The following DTNB variants were observed in gnomAD, a reference collection of about 807,000 sequenced individuals.
The protein encoded by DTNB is DTN-B.
Under a neutral mutation model 90.7 loss-of-function variants are expected in DTNB, and 63 were observed. The observed-to-expected ratio is 0.69, with a 90% confidence interval of 0.57 to 0.86. DTNB has a LOEUF of 0.86. Ranked by LOEUF, DTNB falls within the 40% of genes least tolerant of loss-of-function variation. The pLI, the probability that DTNB is intolerant of heterozygous loss-of-function variation, is 0.00. For missense variants in DTNB, 744 were observed against 807.1 expected (o/e 0.92, Z 0.95); for synonymous variants, 277 against 286.7 (o/e 0.97, Z 0.34).
intron 10 of DTNB, among the ~76,000 whole-genome samples, chr2:25,476,061 A>G (rs2063683663): frequency 7.6e-6 from 1 of 131,010 alleles, no homozygotes; most frequent in Non-Finnish European, 1.6e-5. Context: ...TGGATCAAGA[A>G]GTAATTTTTT....
intron 8 of DTNB, among the ~76,000 whole-genome samples, chr2:25,549,900 A>T (rs1345644967): frequency 6.6e-6 from 1 of 152,010 alleles, no homozygotes; most frequent in Non-Finnish European, 1.5e-5. Context: ...AGCTCAAGTG[A>T]TCCTCCTGCC....
rs58950790 is a variant in DTNB, at chr2:25,616,630, T to TAAAAAAAAAAAAAAAAAAAAAAAAA, written c.363-9310_363-9309insTTTTTTTTTTTTTTTTTTTTTTTTT. ...ATAATCTAGATCAGGCTATTTATAG[T>TAAAAAAAAAAAAAAAAAAAAAAAAA]AAAAAAAAAAAAAAAGACTTGGCCG... On this transcript the variant is annotated intron_variant, in intron 4 of 20. Transcript: ENST00000406818. 2.2e-4 allele frequency among the ~76,000 whole-genome samples: 26 copies of TAAAAAAAAAAAAAAAAAAAAAAAAA among 117,668 alleles called. 2 individuals carry two copies. The highest frequency in any genetic ancestry group is 6.8e-4 in the African/African-American group (20 of 29,208). The allele number at this position is 117,668 out of a possible 152,430, so 77.2% of individuals were successfully genotyped here. A position where few individuals can be genotyped will look rare whatever the true frequency, so the allele number is the denominator to read the frequency against.
In DTNB at chr2:25,564,283, C is replaced by A. The variant is rs562607114; in HGVS notation, c.876+12555G>T. Among the ~76,000 whole-genome samples, 35 of 152,318 alleles carry A rather than the reference C, an allele frequency of 2.3e-4. 1 individual carries two copies. The highest frequency in any genetic ancestry group is 7.0e-4 in the African/African-American group (29 of 41,568). On this transcript the variant is annotated intron_variant, in intron 8 of 20. Coordinates refer to ENST00000406818, the MANE Select transcript of DTNB (RefSeq NM_021907.5). The stretch of plus-strand genomic sequence containing the variant: ...AGTTGAGATTTTCATAGAGACTGCA[C>A]TGAATCTGTAGATGAATTGGGGAGT...
At chr2:25,641,389 C>T (rs1024200842) in intron 2 of DTNB, among the ~76,000 whole-genome samples, 2 of 152,176 alleles carry the variant, frequency 1.3e-5, no homozygotes, top group African/African-American at 4.8e-5. Flanking sequence ...TTTTCTGGAG[C>T]AATCATCTTT....
intron 11 of DTNB, among the ~76,000 whole-genome samples, chr2:25,455,067 G>A (rs2059805354): frequency 6.6e-6 from 1 of 152,146 alleles, no homozygotes; most frequent in African/African-American, 2.4e-5. Flanking sequence ...TCATTAGTTA[G>A]GTAAGAATGA....
intron 3 of DTNB, among the ~76,000 whole-genome samples, chr2:25,633,896 C>A (rs1367340268): frequency 6.6e-6 from 1 of 151,762 alleles, no homozygotes; most frequent in African/African-American, 2.4e-5. Flanking sequence ...CGTCTCTGCC[C>A]GGCCGCACCG....
At chr2:25,568,934 C>T (rs963605361) in intron 8 of DTNB, among the ~76,000 whole-genome samples, 2 of 152,220 alleles carry the variant, frequency 1.3e-5, no homozygotes, top group Admixed American at 1.3e-4. Context: ...GCCTGTGCCT[C>T]GGCCATGCTC....
At chr2:25,628,136 A>G (rs779893935) in intron 4 of DTNB, 35 bp downstream of exon 4, 2 of 1,598,916 alleles carry the variant, frequency 1.3e-6, no homozygotes. Flanking sequence ...GTGTTCTTAA[A>G]ATGAAGTAAG....
intron 15 of DTNB, among the ~76,000 whole-genome samples, chr2:25,422,431 A>C (rs1187145845): frequency 1.9e-5 from 2 of 102,960 alleles, no homozygotes. Flanking sequence ...TTTGAGATGG[A>C]GTCTCACTGT....
intron 19 of DTNB, among the ~76,000 whole-genome samples, chr2:25,381,742 C>A (rs2037837233): frequency 6.6e-6 from 1 of 152,380 alleles, no homozygotes; most frequent in East Asian, 1.9e-4. Flanking sequence ...CTGCTGTCCA[C>A]TTCCTCCCAG....
At chr2:25,456,658 T>A (rs1481843627) in intron 10 of DTNB, among the ~76,000 whole-genome samples, 12 of 152,118 alleles carry the variant, frequency 7.9e-5, no homozygotes, top group African/African-American at 2.9e-4. Flanking sequence ...CTGCAACCTC[T>A]GCCTCCTGGG....
intron 2 of DTNB, among the ~76,000 whole-genome samples, chr2:25,650,891 G>A (rs576667166): frequency 1.5e-3 from 222 of 152,226 alleles, no homozygotes; most frequent in African/African-American, 5.2e-3. Context: ...AACCCAGGAG[G>A]TGGAGGTTGC....
At chr2:25,380,432 A>G (rs1298446419) in intron 19 of DTNB, among the ~76,000 whole-genome samples, 3 of 152,244 alleles carry the variant, frequency 2.0e-5, no homozygotes, top group Non-Finnish European at 4.4e-5. Context: ...CCTAGAACCT[A>G]TATAATGTGG....
chr2:25,412,878 T>C (rs1034567689), intron 16 of DTNB, among the ~76,000 whole-genome samples: 6 of 152,216 alleles, frequency 3.9e-5, no homozygotes. Flanking sequence ...GAGAGGCCCA[T>C]AGCTCAAATG....
rs1194239278 is a variant in DTNB, at chr2:25,387,437, C to A, written c.1736-59G>T. Reference sequence around the variant, plus strand: ...GTGGGTGAGCGTGGAGAAGAGACGGCTGAGCAAATGCCTCAGTTCTGCCAG... The same window carrying A: ...GTGGGTGAGCGTGGAGAAGAGACGGATGAGCAAATGCCTCAGTTCTGCCAG... On this transcript the variant is annotated intron_variant, in intron 17 of 20. Coordinates refer to ENST00000406818, the MANE Select transcript of DTNB (RefSeq NM_021907.5). This position sits in a 1 kb window ranked among gnomAD's most constrained non-coding sequence, Gnocchi z 4.5. The A allele has an allele frequency of 1.3e-6, 2 of 1,520,070 alleles. No individual in the cohort carries two copies. Among genetic ancestry groups the A allele is most frequent in the East Asian group, 2.3e-5 (1 of 43,964 alleles). 94.2% of individuals were successfully genotyped at this position (1,520,070 alleles called of 1,614,324 possible). A position where few individuals can be genotyped will look rare whatever the true frequency, so the allele number is the denominator to read the frequency against.
intron 15 of DTNB, among the ~76,000 whole-genome samples, chr2:25,422,220 A>G (rs2049948935): frequency 6.6e-6 from 1 of 152,134 alleles, no homozygotes; most frequent in Non-Finnish European, 1.5e-5. Flanking sequence ...ACCTAAAAAC[A>G]TGTGAGTCTC....
chr2:25,478,295 C>A (rs1434121058), intron 10 of DTNB, among the ~76,000 whole-genome samples: 1 of 152,160 alleles, frequency 6.6e-6, no homozygotes, highest in African/African-American at 2.4e-5. Context: ...ATACCCTGGA[C>A]CTCGTCCCTT....
chr2:25,395,804 ATTC>A (rs1303345290), intron 16 of DTNB, among the ~76,000 whole-genome samples: 1 of 152,200 alleles, frequency 6.6e-6, no homozygotes, highest in Non-Finnish European at 1.5e-5. Context: ...TGGAATTTGC[ATTC>A]TTATTTCAAC....
chr2:25,551,540 G>C (rs564411073), intron 8 of DTNB, among the ~76,000 whole-genome samples: 45 of 152,288 alleles, frequency 3.0e-4, no homozygotes, highest in Non-Finnish European at 5.3e-4. Context: ...GCAGTACTGA[G>C]AACTTCCTCC....
Sources: gnomAD v4.1 joint callset for allele counts (sites outside exome capture counted in the v4.1 genomes callset) on GRCh38, gnomAD v4.1.1 for gene constraint, Gnocchi (gnomAD v3.1) non-coding constraint, MANE v1.5 for transcripts, NCBI Gene and HGNC (gene_info 2026-07-23, HGNC 2026-07-21) for gene names.